The following NCLN variants were observed in gnomAD, a reference collection of about 807,000 sequenced individuals.
NCLN encodes BOS complex subunit NCLN.
NCLN carries 34 observed loss-of-function variants against 69.5 expected under a neutral mutation model. The ratio of observed to expected loss-of-function variants is 0.49; its 90% CI spans 0.37 to 0.65. NCLN has a LOEUF of 0.65. Among genes scored for constraint, NCLN ranks in the 30% least tolerant of loss-of-function variants. The probability of loss-of-function intolerance (pLI) is 0.00; values close to 1 mark genes in which losing one functional copy is unlikely to be tolerated. For missense variants in NCLN, 710 were observed against 804.8 expected (o/e 0.88, Z 1.42); for synonymous variants, 393 against 358.3 (o/e 1.10, Z -1.09).
At chr19:3,190,790 G>A (rs934479418) in intron 1 of NCLN, among the ~76,000 whole-genome samples, 6 of 152,294 alleles carry the variant, frequency 3.9e-5, no homozygotes, top group African/African-American at 1.2e-4. Flanking sequence ...GTCTGCTTGC[G>A]GGCTTTGCGT....
chr19:3,198,357 A>G (rs1916024726), intron 4 of NCLN, among the ~76,000 whole-genome samples: 1 of 151,994 alleles, frequency 6.6e-6, no homozygotes, highest in Non-Finnish European at 1.5e-5. Context: ...AGTACAAAAA[A>G]TTAGCCGGAT....
intron 1 of NCLN, among the ~76,000 whole-genome samples, chr19:3,190,851 C>T (rs1415163479): frequency 6.6e-6 from 1 of 152,098 alleles, no homozygotes; most frequent in Non-Finnish European, 1.5e-5. Context: ...CGTTGCTTGT[C>T]TTTTAACATT....
In NCLN at chr19:3,205,984, T is replaced by C. The variant is rs2144919355; in HGVS notation, c.1254T>C (p.Ile418=). The stretch of plus-strand genomic sequence containing the variant: ...CCCTGACCCGTAACACGAGGATCAT[T>C]GCAGAGGCCCTGACTCGAGTCATCT... ...SKTLTRNTRI[I]AEALTRVIYN... The change falls in exon 10 of 15, where the codon ATT becomes ATC. Residue 418 remains isoleucine (I), a synonymous_variant. Transcript: ENST00000246117. This position sits in a 1 kb window ranked among gnomAD's most constrained non-coding sequence, Gnocchi z 4.6. 7 of 1,613,712 alleles carry C rather than the reference T, an allele frequency of 4.3e-6. No homozygotes were observed. Among genetic ancestry groups the C allele is most frequent in the South Asian group, 1.1e-5 (1 of 91,076 alleles).
chr19:3,204,267 T>TGTCGGG, intron 8 of NCLN, 123 bp downstream of exon 8: 1 of 1,233,842 alleles, frequency 8.1e-7, no homozygotes, highest in Non-Finnish European at 1.1e-6. Context: ...GGCCACACTG[T>TGTCGGG]GTCGGGGTCG....
rs1237532762 is a variant in NCLN at position 3,206,260 on chromosome 19, A to G, written c.1336-2A>G. ...CCATGACTACCACCACCGTCCCTAC[A>G]GCAGATCCAGCAGGAGCAGCTGGAC... is the stretch of plus-strand genomic sequence containing the variant. On this transcript the variant is annotated splice_acceptor_variant, in intron 11 of 14. Transcript: ENST00000246117. LOFTEE classifies it high-confidence loss of function. 3.9e-6 allele frequency: 6 copies of G among 1,545,760 alleles called. No individual in the cohort carries two copies. Among genetic ancestry groups the G allele is most frequent in the Non-Finnish European group, 4.4e-6 (5 of 1,145,652 alleles).
intron 5 of NCLN, 123 bp from the exon 6 acceptor site, chr19:3,201,400 T>G: frequency 1.5e-6 from 1 of 679,514 alleles, no homozygotes; most frequent in Non-Finnish European, 2.5e-6. Flanking sequence ...TGGGCAGAGG[T>G]CATGGGGCTA....
intron 1 of NCLN, among the ~76,000 whole-genome samples, chr19:3,187,984 G>A (rs1490168858): frequency 6.6e-6 from 1 of 152,156 alleles, no homozygotes; most frequent in Non-Finnish European, 1.5e-5. Flanking sequence ...CCCCCAAAGC[G>A]TGGCCTGTGC....
intron 10 of NCLN, 38 bp downstream of exon 10, chr19:3,206,064 C>T: frequency 6.2e-7 from 1 of 1,601,234 alleles, no homozygotes; most frequent in Non-Finnish European, 8.5e-7. Context: ...GACCCAGCCC[C>T]AGCCCTGCCC....
At chr19:3,200,528 T>G (rs1186388208) in intron 5 of NCLN, among the ~76,000 whole-genome samples, 2 of 151,768 alleles carry the variant, frequency 1.3e-5, no homozygotes, top group African/African-American at 4.8e-5. Flanking sequence ...GCCAGGATGG[T>G]CTTGAACTCC....
Position 3,196,681 on chromosome 19 carries a change from CCCTT to C in NCLN, c.615+407_615+410del, listed in dbSNP as rs1165599026. Among the ~76,000 whole-genome samples the C allele has an allele frequency of 4.6e-5, 7 of 152,238 alleles. No homozygotes were observed. In the East Asian group the frequency reaches 9.6e-4, roughly 21 times the overall value. On this transcript the variant is annotated intron_variant, in intron 4 of 14. Transcript: ENST00000246117. Reference sequence around the variant, plus strand: ...AGCCCAGACGCTGCGTCCTCACAGACCCTTCCGAGCACCCCGGGATATCAGCAGA... The same window carrying C: ...AGCCCAGACGCTGCGTCCTCACAGACCCGAGCACCCCGGGATATCAGCAGA...
chr19:3,206,317 G>A lies in NCLN; in HGVS notation c.1391G>A (p.Arg464Gln), dbSNP rs1164084344. The A allele has an allele frequency of 1.9e-6, 3 of 1,548,246 alleles. No homozygotes were observed. The highest frequency in any genetic ancestry group is 2.6e-6 in the Non-Finnish European group (3 of 1,146,908). Residue 464 changes from arginine (R) to glutamine (Q), a missense_variant, in exon 12 of 15, where the codon CGG (arginine) becomes CAG (glutamine). Transcript: ENST00000246117. ...ATGGACTGGCTCACCAACCAGCCGC[G>A]GGCCGCGCAGCTGGTGGACAAGGAC... ...SVMDWLTNQP[R>Q]AAQLVDKDST...
rs1008455957 is a variant in NCLN at position 3,191,474 on chromosome 19, G to A, written c.185-996G>A. 4.6e-5 allele frequency among the ~76,000 whole-genome samples: 7 copies of A among 152,316 alleles called. No homozygotes were observed. The East Asian group carries it at 1.4e-3, about 29-fold the overall frequency. ...GAGCCTTCTGCCACCCCAGCCCCTG[G>A]ATTTCTAGAAAGCTTACGTGTCCAA... On this transcript the variant is annotated intron_variant, in intron 1 of 14. Coordinates refer to ENST00000246117, the MANE Select transcript of NCLN (RefSeq NM_020170.4).
rs1916240814 is a variant in NCLN at position 3,205,475 on chromosome 19, T to C, written c.1209-464T>C. Reference sequence around the variant, plus strand: ...TGGGTAATCGCAGTCCTGGAAAGGATGGAGGTGGCGGTCGCCCACCAGCCA... The same window carrying C: ...TGGGTAATCGCAGTCCTGGAAAGGACGGAGGTGGCGGTCGCCCACCAGCCA... On this transcript the variant is annotated intron_variant, in intron 9 of 14. Transcript: ENST00000246117. This position sits in a 1 kb window ranked among gnomAD's most constrained non-coding sequence, Gnocchi z 4.6. 6.6e-6 allele frequency among the ~76,000 whole-genome samples: 1 copy of C among 151,994 alleles called. No homozygotes were observed. The highest frequency in any genetic ancestry group is 1.5e-5 in the Non-Finnish European group (1 of 67,976).
intron 5 of NCLN, 118 bp from the exon 6 acceptor site, chr19:3,201,405 G>A: frequency 1.4e-6 from 1 of 702,322 alleles, no homozygotes; most frequent in Admixed American, 2.3e-5. Flanking sequence ...AGAGGTCATG[G>A]GGCTACGGGA....
intron 3 of NCLN, among the ~76,000 whole-genome samples, chr19:3,194,731 G>A (rs987240225): frequency 2.0e-5 from 3 of 149,338 alleles, no homozygotes; most frequent in Non-Finnish European, 4.4e-5. Context: ...AAGAAGGAAA[G>A]AGGAGTCGTC....
At position 3,209,410 on chromosome 19, in the gene NCLN, C is replaced by G. The variant is rs889188572; in HGVS notation, c.*1722C>G. 2 of 152,310 alleles carry G rather than the reference C, an allele frequency of 1.3e-5. No individual in the cohort carries two copies. The highest frequency in any genetic ancestry group is 2.9e-5 in the Non-Finnish European group (2 of 68,082). 9.4% of individuals were successfully genotyped at this position (152,310 alleles called of 1,614,324 possible). ...TGGGGAGTGCTTGCATGCTAGCCAG[C>G]AGGCTCCTGTCTGGGTGCCACGGGG... On this transcript the variant is annotated 3_prime_UTR_variant, in exon 15 of 15. Transcript: ENST00000246117.
intron 1 of NCLN, among the ~76,000 whole-genome samples, chr19:3,190,713 A>C (rs754912587): frequency 2.3e-4 from 35 of 151,994 alleles, no homozygotes; most frequent in South Asian, 2.1e-4. Flanking sequence ...CGGGTCTCAC[A>C]CGGGAGGCTC....
intron 1 of NCLN, among the ~76,000 whole-genome samples, chr19:3,191,032 C>CGCG (rs1568309756): frequency 2.1e-5 from 3 of 145,240 alleles, no homozygotes; most frequent in Middle Eastern, 3.5e-3. Flanking sequence ...GGGAGATCGT[C>CGCG]GTGGTGCGTG....
chr19:3,203,919 C>T (rs1179344878), intron 7 of NCLN, 75 bp downstream of exon 7: 1 of 1,572,512 alleles, frequency 6.4e-7, no homozygotes, highest in Non-Finnish European at 8.6e-7. Context: ...CAGGGGTTGC[C>T]ATGGGGGCAG....
Sources: gnomAD v4.1 joint callset for allele counts (sites outside exome capture counted in the v4.1 genomes callset) on GRCh38, gnomAD v4.1.1 for gene constraint, Gnocchi (gnomAD v3.1) non-coding constraint, MANE v1.5 for transcripts, NCBI Gene and HGNC (gene_info 2026-07-23, HGNC 2026-07-21) for gene names.